RNF2: variants seen among roughly 807,000 people sequenced by gnomAD.
The protein encoded by RNF2 is ring finger protein 2, also known as E3 ubiquitin-protein ligase RING2.
RNF2 carries 6 observed loss-of-function variants against 37.2 expected under a neutral mutation model. The observed-to-expected ratio is 0.16, with a 90% CI of 0.09 to 0.32. The LOEUF (loss-of-function observed/expected upper bound fraction) is 0.32. RNF2 is among the 10% of genes least tolerant of loss of function. The pLI, the probability that RNF2 is intolerant of heterozygous loss-of-function variation, is 1.00. For missense variants in RNF2, 251 were observed against 404.0 expected (o/e 0.62, Z 3.25); for synonymous variants, 133 against 132.7 (o/e 1.00, Z -0.02).
chr1:185,099,210 G>A (rs1652006986), intron 5 of RNF2, among the ~76,000 whole-genome samples: 1 of 151,484 alleles, frequency 6.6e-6, no homozygotes, highest in African/African-American at 2.4e-5. Flanking sequence ...ACAACACCTG[G>A]CTAATTTTTG....
chr1:185,094,132 T>G (rs939806173), intron 4 of RNF2, among the ~76,000 whole-genome samples: 2 of 118,586 alleles, frequency 1.7e-5, no homozygotes, highest in African/African-American at 6.9e-5. Context: ...TTGGAGTCAG[T>G]TTTTTTTTTT....
intron 1 of RNF2, among the ~76,000 whole-genome samples, chr1:185,047,250 A>G (rs796855267): frequency 5.9e-5 from 9 of 152,324 alleles, no homozygotes; most frequent in African/African-American, 2.2e-4. Context: ...AGTCAGGCCA[A>G]TCCGTTTGAG....
At chr1:185,088,356 A>G (rs1375631697) in intron 2 of RNF2, among the ~76,000 whole-genome samples, 1 of 152,092 alleles carries the variant, frequency 6.6e-6, no homozygotes, top group Non-Finnish European at 1.5e-5. Context: ...TTAAAAGCTA[A>G]AGGAAGCCTT....
chr1:185,077,751 C>T (rs1279410969), intron 1 of RNF2, among the ~76,000 whole-genome samples: 1 of 142,294 alleles, frequency 7.0e-6, no homozygotes, highest in East Asian at 2.1e-4. Flanking sequence ...TTGATTTCAG[C>T]TTTTATAGTG....
intron 2 of RNF2, among the ~76,000 whole-genome samples, chr1:185,091,181 CCTAA>C (rs1291333659): frequency 6.6e-6 from 1 of 151,916 alleles, no homozygotes; most frequent in Non-Finnish European, 1.5e-5. Context: ...TTAATTTAGC[CCTAA>C]CTTTCTCATT....
At chr1:185,092,458 A>C (rs954627974) in intron 3 of RNF2, among the ~76,000 whole-genome samples, 6 of 152,222 alleles carry the variant, frequency 3.9e-5, no homozygotes, top group Admixed American at 2.6e-4. Flanking sequence ...TACAGGCGTG[A>C]GCCACCGTGC....
chr1:185,046,971 G>A (rs1264411822), intron 1 of RNF2, among the ~76,000 whole-genome samples: 2 of 152,174 alleles, frequency 1.3e-5, no homozygotes, highest in African/African-American at 2.4e-5. Flanking sequence ...TTAAATAGCA[G>A]CAATATGACT....
In RNF2 at chr1:185,067,294, C is replaced by T. The variant is rs145414081; in HGVS notation, c.-2-20258C>T. On this transcript the variant is annotated intron_variant, in intron 1 of 6. Coordinates refer to ENST00000367510, the MANE Select transcript of RNF2 (RefSeq NM_007212.4). ...ACAGCTGTAGTTTTAGATTGAACTGCGGAAAGTGGTTTTTATGAGGTGTTA... is the reference window on the plus strand; with the variant it reads ...ACAGCTGTAGTTTTAGATTGAACTGTGGAAAGTGGTTTTTATGAGGTGTTA... Among the ~76,000 whole-genome samples the T allele has an allele frequency of 7.9e-3, 1,206 of 152,200 alleles. 6 individuals carry two copies. Among genetic ancestry groups the T allele is most frequent in the Middle Eastern group, 0.017 (5 of 294 alleles).
chr1:185,092,060 C>T, intron 3 of RNF2: 1 of 198,366 alleles, frequency 5.0e-6, no homozygotes, highest in Non-Finnish European at 1.0e-5. Context: ...AACTCCTGAC[C>T]TCAGGTAATC....
At chr1:185,055,763 T>C (rs553139457) in intron 1 of RNF2, among the ~76,000 whole-genome samples, 1 of 152,342 alleles carries the variant, frequency 6.6e-6, no homozygotes, top group African/African-American at 2.4e-5. Flanking sequence ...ATTCAGAAAA[T>C]CTCTGCTTTT....
intron 1 of RNF2, among the ~76,000 whole-genome samples, chr1:185,077,626 T>TTTTTTTTTTTTG (rs1651211414): frequency 9.4e-6 from 1 of 105,890 alleles, no homozygotes; most frequent in African/African-American, 3.9e-5. Context: ...ATTAACTTTG[T>TTTTTTTTTTTTG]TTTTTTTTTT....
intron 2 of RNF2, among the ~76,000 whole-genome samples, chr1:185,088,385 C>T (rs774454005): frequency 1.1e-4 from 16 of 152,030 alleles, no homozygotes; most frequent in Non-Finnish European, 1.9e-4. Flanking sequence ...GGAGAAACCC[C>T]GTCTCTACTG....
chr1:185,066,811 T>C (rs1348351183), intron 1 of RNF2, among the ~76,000 whole-genome samples: 1 of 152,110 alleles, frequency 6.6e-6, no homozygotes, highest in Non-Finnish European at 1.5e-5. Flanking sequence ...GCTATTAAAG[T>C]ATCTATGTCT....
chr1:185,082,345 C>CTTTTGTTTTTTTTTTTTTTTTT (rs1651443527), intron 1 of RNF2, among the ~76,000 whole-genome samples: 1 of 72,000 alleles, frequency 1.4e-5, no homozygotes, highest in Non-Finnish European at 2.9e-5. Context: ...CTCTGCAGAA[C>CTTTTGTTTTTTTTTTTTTTTTT]TTTTTTTTTT....
intron 4 of RNF2, among the ~76,000 whole-genome samples, chr1:185,097,326 T>C (rs12044161): frequency 0.049 from 7,473 of 152,286 alleles, 231 homozygotes; most frequent in East Asian, 0.12. Flanking sequence ...CTTAGCTGAC[T>C]TGGCGGAAGG....
At chr1:185,099,588 TTGAG>T (rs1254247827) in intron 5 of RNF2, among the ~76,000 whole-genome samples, 199 bp from the exon 6 acceptor site, 1 of 152,190 alleles carries the variant, frequency 6.6e-6, no homozygotes, top group Non-Finnish European at 1.5e-5. Context: ...CAGTAAGATA[TTGAG>T]TATTTACTTT....
At position 185,101,626 on chromosome 1, in the gene RNF2, T is replaced by C. The variant is rs1202577484; in HGVS notation, c.*1325T>C. 1.3e-5 allele frequency: 2 copies of C among 152,422 alleles called. No homozygotes were observed. Among genetic ancestry groups the C allele is most frequent in the East Asian group, 1.9e-4 (1 of 5,196 alleles). 9.4% of individuals were successfully genotyped at this position (152,422 alleles called of 1,614,324 possible). A position where few individuals can be genotyped will look rare whatever the true frequency, so the allele number is the denominator to read the frequency against. On this transcript the variant is annotated 3_prime_UTR_variant, in exon 7 of 7. Coordinates refer to ENST00000367510, the MANE Select transcript of RNF2 (RefSeq NM_007212.4). ...AAAAGACATGTTTGCATTGAGAAAT[T>C]AACCCTAAAGGGTTTTCAATAGGGT...
chr1:185,051,224 A>C (rs1269337004), intron 1 of RNF2, among the ~76,000 whole-genome samples: 2 of 152,202 alleles, frequency 1.3e-5, no homozygotes. Context: ...ATAGAGTCTT[A>C]TTCAGTCTGG....
intron 1 of RNF2, among the ~76,000 whole-genome samples, chr1:185,052,385 C>G (rs1052051233): frequency 2.6e-5 from 4 of 152,068 alleles, no homozygotes; most frequent in African/African-American, 9.7e-5. Context: ...TATTATTCAG[C>G]CATAAAAAGG....
Sources: gnomAD v4.1 joint callset for allele counts (sites outside exome capture counted in the v4.1 genomes callset) on GRCh38, gnomAD v4.1.1 for gene constraint, MANE v1.5 for transcripts, NCBI Gene and HGNC (gene_info 2026-07-23, HGNC 2026-07-21) for gene names.